The following CFAP299 variants were observed in gnomAD, a reference collection of about 807,000 sequenced individuals.
CFAP299 encodes cilia and flagella associated protein 299, also known as cilia- and flagella-associated protein 299.
CFAP299 carries 21 observed loss-of-function variants against 27.0 expected under a neutral mutation model. The ratio of observed to expected loss-of-function variants is 0.78; its 90% CI spans 0.55 to 1.12. The LOEUF (loss-of-function observed/expected upper bound fraction) is 1.12, where lower values mean the gene tolerates loss of function less well. Ranked by LOEUF, CFAP299 falls within the 50% of genes most tolerant of loss-of-function variation. The pLI is 0.00. For missense variants in CFAP299, 310 were observed against 276.6 expected (o/e 1.12, Z -0.86); for synonymous variants, 104 against 98.1 (o/e 1.06, Z -0.36).
At chr4:80,593,969 G>A (rs1229190010) in intron 3 of CFAP299, among the ~76,000 whole-genome samples, 1 of 151,912 alleles carries the variant, frequency 6.6e-6, no homozygotes, top group African/African-American at 2.4e-5. Context: ...TTGTTTTTTA[G>A]TTGCCAAATA....
chr4:80,937,193 T>A (rs1181548365), intron 4 of CFAP299, among the ~76,000 whole-genome samples: 1 of 151,714 alleles, frequency 6.6e-6, no homozygotes, highest in African/African-American at 2.4e-5. Context: ...CATTATACAA[T>A]GACCTTCTAT....
intron 3 of CFAP299, among the ~76,000 whole-genome samples, chr4:80,762,119 TG>T (rs1725572333): frequency 2.6e-5 from 4 of 151,940 alleles, no homozygotes; most frequent in South Asian, 4.1e-4. Flanking sequence ...AATTTTATTT[TG>T]GTATAAAATA....
chr4:80,621,957 A>G (rs1258034246), intron 3 of CFAP299, among the ~76,000 whole-genome samples: 1 of 151,956 alleles, frequency 6.6e-6, no homozygotes, highest in African/African-American at 2.4e-5. Context: ...TAGAAGAAAA[A>G]CCAGTAGTGA....
intron 2 of CFAP299, among the ~76,000 whole-genome samples, chr4:80,459,856 G>A (rs1017400092): frequency 3.9e-5 from 6 of 152,100 alleles, no homozygotes; most frequent in African/African-American, 1.4e-4. Flanking sequence ...AAACTGTAGA[G>A]GCCAAGGAAA....
chr4:80,704,108 G>GA (rs936250294), intron 3 of CFAP299, among the ~76,000 whole-genome samples: 17 of 151,620 alleles, frequency 1.1e-4, no homozygotes, highest in Non-Finnish European at 1.6e-4. Context: ...AGTTTTGATA[G>GA]AAAAAACCTG....
the CFAP299 span, among the ~76,000 whole-genome samples, chr4:80,323,872 T>A: frequency 6.6e-6 from 1 of 152,202 alleles, no homozygotes; most frequent in African/African-American, 2.4e-5. Flanking sequence ...TTAGGTTAAT[T>A]AGAATGATTG....
intron 3 of CFAP299, among the ~76,000 whole-genome samples, chr4:80,737,830 G>A (rs1017539694): frequency 6.6e-6 from 1 of 151,974 alleles, no homozygotes; most frequent in Non-Finnish European, 1.5e-5. Flanking sequence ...CTTCAGGTTG[G>A]TGAATGTTTC....
intron 3 of CFAP299, among the ~76,000 whole-genome samples, chr4:80,748,676 A>T (rs1724754124): frequency 6.6e-6 from 1 of 152,086 alleles, no homozygotes; most frequent in African/African-American, 2.4e-5. Flanking sequence ...TTGTTTAGGA[A>T]CTCACTCACA....
intron 1 of CFAP299, among the ~76,000 whole-genome samples, chr4:80,348,647 C>T (rs1722866394): frequency 6.6e-6 from 1 of 152,082 alleles, no homozygotes. Context: ...GAAGAAAGTT[C>T]TCAGAAAAAA....
At chr4:80,360,324 C>T (rs1042849443) in intron 1 of CFAP299, among the ~76,000 whole-genome samples, 3 of 152,158 alleles carry the variant, frequency 2.0e-5, no homozygotes, top group Admixed American at 6.6e-5. Context: ...TGAGCCCCTC[C>T]TGAAGACTGT....
At chr4:80,450,173 A>T (rs1209854266) in intron 2 of CFAP299, among the ~76,000 whole-genome samples, 3 of 152,196 alleles carry the variant, frequency 2.0e-5, no homozygotes, top group South Asian at 4.1e-4. Context: ...TAAACAAAAC[A>T]AAACAAGATA....
At chr4:80,489,774 C>G (rs1027122299) in intron 2 of CFAP299, among the ~76,000 whole-genome samples, 2 of 152,278 alleles carry the variant, frequency 1.3e-5, no homozygotes, top group South Asian at 4.1e-4. Context: ...ACATGCATAT[C>G]GTTATGATCT....
intron 2 of CFAP299, chr4:80,386,251 G>T (rs918723652): frequency 2.6e-6 from 3 of 1,150,906 alleles, no homozygotes; most frequent in Admixed American, 2.0e-5. Context: ...CTGCAGCCCC[G>T]CCAGAGCCAG....
In CFAP299 at chr4:80,712,072, A is replaced by C. The variant is rs1722208142; in HGVS notation, c.333+128889A>C. Among the ~76,000 whole-genome samples, 3 of 152,184 alleles carry C rather than the reference A, an allele frequency of 2.0e-5. No homozygotes were observed. The South Asian group carries it at 6.2e-4, about 32-fold the overall frequency. ...TGTACTGCCAAGTGCACGTATCTCA[A>C]AAGTGTAATTAAGCTAAGCATCTGG... On this transcript the variant is annotated intron_variant, in intron 3 of 5. Transcript: ENST00000358105.
intron 1 of CFAP299, among the ~76,000 whole-genome samples, chr4:80,344,502 A>G (rs1355508410): frequency 6.6e-6 from 1 of 152,172 alleles, no homozygotes; most frequent in Non-Finnish European, 1.5e-5. Flanking sequence ...TGAAGCAACA[A>G]TAAACAGCCT....
At chr4:80,357,161 A>C (rs1560527884) in intron 1 of CFAP299, among the ~76,000 whole-genome samples, 1 of 152,112 alleles carries the variant, frequency 6.6e-6, no homozygotes, top group Non-Finnish European at 1.5e-5. Context: ...CATATGTTGA[A>C]CCAACCTTGC....
At chr4:80,769,274 A>C (rs896034147) in intron 3 of CFAP299, among the ~76,000 whole-genome samples, 1 of 152,228 alleles carries the variant, frequency 6.6e-6, no homozygotes, top group Non-Finnish European at 1.5e-5. Flanking sequence ...TTACTGATGC[A>C]GAAGTTGAGG....
rs1738243649 is a variant in CFAP299 at position 80,959,684 on chromosome 4, A to T, written c.607-3833A>T. On this transcript the variant is annotated intron_variant, in intron 5 of 5. Coordinates refer to ENST00000358105, the MANE Select transcript of CFAP299 (RefSeq NM_152770.3). ...AATTATTTTTAGCACCTCTTTGCAA[A>T]GGTAAAGGAATAACTCTTTGTGATA... Among the ~76,000 whole-genome samples the T allele has an allele frequency of 2.0e-5, 3 of 151,986 alleles. 1 individual carries two copies. In the South Asian group the frequency reaches 6.2e-4, roughly 31 times the overall value.
chr4:80,916,294 TA>T (rs1275606407), intron 4 of CFAP299, among the ~76,000 whole-genome samples: 52 of 131,428 alleles, frequency 4.0e-4, no homozygotes, highest in Non-Finnish European at 3.2e-4. Context: ...TATATATATA[TA>T]TTTCAGGTAC....
Sources: gnomAD v4.1 joint callset for allele counts (sites outside exome capture counted in the v4.1 genomes callset) on GRCh38, gnomAD v4.1.1 for gene constraint, MANE v1.5 for transcripts, NCBI Gene and HGNC (gene_info 2026-07-23, HGNC 2026-07-21) for gene names.